SPAG16: variants seen among roughly 807,000 people sequenced by gnomAD.
The protein encoded by SPAG16 is sperm-associated antigen 16 protein.
A neutral mutation model predicts 80.4 loss-of-function variants in SPAG16; 86 were observed. The observed-to-expected ratio is 1.07, with a 90% CI of 0.90 to 1.28. The LOEUF (loss-of-function observed/expected upper bound fraction) is 1.28. Among genes scored for constraint, SPAG16 ranks in the 50% most tolerant of loss-of-function variants. The pLI is 0.00. For synonymous variants in SPAG16, 294 were observed against 265.9 expected (o/e 1.11, Z -1.03); for missense variants, 870 against 765.3 (o/e 1.14, Z -1.61).
chr2:213,916,591 T>C (rs534637187), intron 11 of SPAG16, among the ~76,000 whole-genome samples: 1 of 152,238 alleles, frequency 6.6e-6, no homozygotes, highest in Admixed American at 6.5e-5. Flanking sequence ...CCTTCAGATC[T>C]TGTGAGACAT....
intron 10 of SPAG16, among the ~76,000 whole-genome samples, chr2:213,513,104 C>G (rs142166269): frequency 5.9e-5 from 9 of 152,312 alleles, no homozygotes; most frequent in South Asian, 4.1e-4. Context: ...CTCTTTTCCA[C>G]TGTCACGTGT....
intron 13 of SPAG16, among the ~76,000 whole-genome samples, chr2:214,033,383 G>A (rs2048523182): frequency 6.6e-6 from 1 of 152,188 alleles, no homozygotes; most frequent in Admixed American, 6.5e-5. Flanking sequence ...AGAGTTAGAT[G>A]CAGAGAAGTG....
At chr2:213,802,442 TATCTAC>T (rs1428814896) in intron 10 of SPAG16, among the ~76,000 whole-genome samples, 1 of 146,358 alleles carries the variant, frequency 6.8e-6, no homozygotes, top group Non-Finnish European at 1.5e-5. Flanking sequence ...TCTATCTATC[TATCTAC>T]ACATACCTGG....
In SPAG16 at chr2:213,577,773, G is replaced by A. The variant is rs139680588; in HGVS notation, c.1070+87683G>A. Among the ~76,000 whole-genome samples the A allele has an allele frequency of 1.1e-3, 173 of 152,226 alleles. 1 individual carries two copies. The highest frequency in any genetic ancestry group is 4.0e-3 in the African/African-American group (166 of 41,552). ...CGGTTATTTGAGAATGCAACATGTT[G>A]CAGAAATGAAGTCCAGCTGGGCATT... is the stretch of plus-strand genomic sequence containing the variant. On this transcript the variant is annotated intron_variant, in intron 10 of 15. Transcript: ENST00000331683.
At chr2:213,941,886 C>A (rs1199640154) in intron 12 of SPAG16, among the ~76,000 whole-genome samples, 1 of 152,142 alleles carries the variant, frequency 6.6e-6, no homozygotes, top group Non-Finnish European at 1.5e-5. Flanking sequence ...CCTCACAGCT[C>A]CTTCCTCCCT....
At chr2:213,608,199 G>A (rs1471495721) in intron 10 of SPAG16, among the ~76,000 whole-genome samples, 4 of 152,074 alleles carry the variant, frequency 2.6e-5, no homozygotes, top group African/African-American at 7.2e-5. Flanking sequence ...TATACTTTAA[G>A]TTTTAGGGTA....
intron 6 of SPAG16, among the ~76,000 whole-genome samples, chr2:213,349,438 A>C (rs1185902255): frequency 6.6e-6 from 1 of 152,200 alleles, no homozygotes; most frequent in Non-Finnish European, 1.5e-5. Context: ...AACTCTTAAT[A>C]GACTGATATC....
chr2:213,766,310 A>G (rs940814782), intron 10 of SPAG16, among the ~76,000 whole-genome samples: 4 of 152,226 alleles, frequency 2.6e-5, no homozygotes, highest in African/African-American at 9.6e-5. Context: ...TTCTGGAGTT[A>G]GATAGTGGTC....
At chr2:214,201,348 T>C (rs991936799) in intron 15 of SPAG16, among the ~76,000 whole-genome samples, 6 of 152,212 alleles carry the variant, frequency 3.9e-5, no homozygotes, top group African/African-American at 7.2e-5. Flanking sequence ...AATTAAGATA[T>C]ATCCCATTTC....
At chr2:214,387,109 A>G (rs1700804667) in intron 15 of SPAG16, among the ~76,000 whole-genome samples, 1 of 152,092 alleles carries the variant, frequency 6.6e-6, no homozygotes, top group African/African-American at 2.4e-5. Context: ...ACTTCCTTTT[A>G]TATTTTAAGA....
At chr2:214,401,542 C>A (rs1349622363) in intron 15 of SPAG16, among the ~76,000 whole-genome samples, 1 of 151,668 alleles carries the variant, frequency 6.6e-6, no homozygotes, top group Non-Finnish European at 1.5e-5. Context: ...TTTGGAGAAA[C>A]CTATTGCTCA....
chr2:213,536,177 T>G (rs1458136888), intron 10 of SPAG16, among the ~76,000 whole-genome samples: 1 of 152,170 alleles, frequency 6.6e-6, no homozygotes, highest in Non-Finnish European at 1.5e-5. Flanking sequence ...TTTTTCTTCT[T>G]GTTTTTACTC....
At chr2:214,332,118 G>A (rs919297536) in intron 15 of SPAG16, among the ~76,000 whole-genome samples, 1 of 152,134 alleles carries the variant, frequency 6.6e-6, no homozygotes, top group African/African-American at 2.4e-5. Context: ...TGGGCATGGT[G>A]GCATGCTCCT....
At chr2:213,329,845 G>T (rs917974720) in intron 5 of SPAG16, among the ~76,000 whole-genome samples, 1 of 152,176 alleles carries the variant, frequency 6.6e-6, no homozygotes, top group African/African-American at 2.4e-5. Flanking sequence ...TGGGCCTAGG[G>T]TCCCTCTGCT....
chr2:213,881,512 A>C (rs1009950937), intron 11 of SPAG16, among the ~76,000 whole-genome samples: 1 of 152,194 alleles, frequency 6.6e-6, no homozygotes, highest in African/African-American at 2.4e-5. Flanking sequence ...TTTATAAAGG[A>C]AAGAGATTTA....
At chr2:213,898,295 G>A (rs2077074613) in intron 11 of SPAG16, among the ~76,000 whole-genome samples, 1 of 152,114 alleles carries the variant, frequency 6.6e-6, no homozygotes, top group Admixed American at 6.6e-5. Flanking sequence ...TTGGGCACTT[G>A]ATTTGTATAC....
chr2:213,410,083 A>G (rs1011194354), intron 9 of SPAG16, among the ~76,000 whole-genome samples: 12 of 152,052 alleles, frequency 7.9e-5, no homozygotes, highest in African/African-American at 2.9e-4. Flanking sequence ...TTCGTACAGC[A>G]AAAAGGGGAT....
At chr2:213,938,018 TTTG>T (rs1279535805) in intron 12 of SPAG16, among the ~76,000 whole-genome samples, 2 of 152,006 alleles carry the variant, frequency 1.3e-5, no homozygotes, top group African/African-American at 4.8e-5. Context: ...ACACTTTCTG[TTTG>T]TTATCTCATA....
At chr2:213,664,548 A>G (rs2063535628) in intron 10 of SPAG16, among the ~76,000 whole-genome samples, 1 of 152,090 alleles carries the variant, frequency 6.6e-6, no homozygotes, top group South Asian at 2.1e-4. Context: ...CTGAGTTTAA[A>G]CAGATTTCCT....
Sources: allele counts gnomAD v4.1 joint callset (sites outside exome capture counted in the v4.1 genomes callset), GRCh38; gene constraint gnomAD v4.1.1; transcripts MANE v1.5; gene names NCBI Gene and HGNC (gene_info 2026-07-23, HGNC 2026-07-21).